Variants in MYRIP observed in about 807,000 individuals in gnomAD.
The protein encoded by MYRIP is rab effector MyRIP.
A neutral mutation model predicts 98.0 loss-of-function variants in MYRIP; 49 were observed. The ratio of observed to expected loss-of-function variants is 0.50; its 90% CI spans 0.40 to 0.63. The LOEUF (loss-of-function observed/expected upper bound fraction) is 0.63, where lower values mean the gene tolerates loss of function less well. Among genes scored for constraint, MYRIP ranks in the 30% least tolerant of loss-of-function variants. The pLI, the probability that MYRIP is intolerant of heterozygous loss-of-function variation, is 0.00. For missense variants in MYRIP, 1,004 were observed against 1,058.2 expected, an observed-to-expected ratio of 0.95 and a Z score of 0.71; for synonymous variants, 404 against 409.5, an observed-to-expected ratio of 0.99 and a Z score of 0.16.
At chr3:39,829,257 A>G (rs1283156558) in intron 1 of MYRIP, among the ~76,000 whole-genome samples, 1 of 152,062 alleles carries the variant, frequency 6.6e-6, no homozygotes, top group African/African-American at 2.4e-5. Flanking sequence ...CTGTAGAATT[A>G]TTGTGTTTCT....
chr3:39,994,052 T>C lies in MYRIP; in HGVS notation c.111-49998T>C, dbSNP rs145693206. ...AACTTATAAATGTAAAAAGAACTTTTAGAGGTGGAGCCAAGATGGCCAAAT... is the reference window on the plus strand; with the variant it reads ...AACTTATAAATGTAAAAAGAACTTTCAGAGGTGGAGCCAAGATGGCCAAAT... On this transcript the variant is annotated intron_variant, in intron 2 of 16. Coordinates refer to ENST00000302541, the MANE Select transcript of MYRIP (RefSeq NM_015460.4). Among the ~76,000 whole-genome samples the C allele has an allele frequency of 5.8e-3, 889 of 152,290 alleles. 8 individuals are homozygous for C. The highest frequency in any genetic ancestry group is 0.02 in the African/African-American group (822 of 41,574).
chr3:39,955,283 T>A (rs145836773), intron 2 of MYRIP, among the ~76,000 whole-genome samples: 3,040 of 152,174 alleles, frequency 0.02, 99 homozygotes, highest in African/African-American at 0.07. Flanking sequence ...GAGAGAAAGG[T>A]CAGGTTACCC....
chr3:39,880,463 T>C (rs1455090493), intron 1 of MYRIP, among the ~76,000 whole-genome samples: 1 of 152,264 alleles, frequency 6.6e-6, no homozygotes, highest in Non-Finnish European at 1.5e-5. Flanking sequence ...CTCAAATTTA[T>C]TCAGCCATTT....
chr3:39,957,896 C>G (rs146357129), intron 2 of MYRIP, among the ~76,000 whole-genome samples: 40,372 of 151,908 alleles, frequency 0.27, 5,845 homozygotes, highest in Middle Eastern at 0.36. Context: ...TAGACAAACA[C>G]AGAGCCAAAT....
At chr3:40,234,164 C>CT in intron 12 of MYRIP, 111 bp downstream of exon 12, 1 of 1,036,290 alleles carries the variant, frequency 9.6e-7, no homozygotes, top group Non-Finnish European at 1.3e-6. Context: ...ACACACACAC[C>CT]ACTACCACTA....
intron 1 of MYRIP, among the ~76,000 whole-genome samples, chr3:39,881,607 A>T (rs1943156351): frequency 6.6e-6 from 1 of 152,276 alleles, no homozygotes; most frequent in Non-Finnish European, 1.5e-5. Context: ...TTTTAGTGTG[A>T]CATTACACTG....
At chr3:39,834,426 G>A (rs993275824) in intron 1 of MYRIP, among the ~76,000 whole-genome samples, 17 of 152,062 alleles carry the variant, frequency 1.1e-4, no homozygotes, top group Non-Finnish European at 7.4e-5. Context: ...ACACTTTGTC[G>A]ATGTAACTAT....
At chr3:40,166,275 TC>T (rs1275458858) in intron 5 of MYRIP, among the ~76,000 whole-genome samples, 1 of 152,254 alleles carries the variant, frequency 6.6e-6, no homozygotes, top group East Asian at 1.9e-4. Context: ...ATAATCTTTA[TC>T]TGAGAAAGTA....
intron 2 of MYRIP, among the ~76,000 whole-genome samples, chr3:39,998,904 C>T (rs1015895411): frequency 6.6e-6 from 1 of 152,150 alleles, no homozygotes; most frequent in African/African-American, 2.4e-5. Context: ...CTTTGACATA[C>T]CTGACAAAAC....
At chr3:39,941,017 G>T (rs760437061) in intron 2 of MYRIP, among the ~76,000 whole-genome samples, 1 of 152,110 alleles carries the variant, frequency 6.6e-6, no homozygotes, top group Non-Finnish European at 1.5e-5. Context: ...GGAAAAAAGT[G>T]AATGAAAAAG....
At chr3:39,872,400 A>C (rs549415146) in intron 1 of MYRIP, among the ~76,000 whole-genome samples, 1 of 151,842 alleles carries the variant, frequency 6.6e-6, no homozygotes, top group Non-Finnish European at 1.5e-5. Flanking sequence ...GGTTAGTTAC[A>C]TATGTATACA....
chr3:39,979,655 C>CAAAAAAAAAAAAAAAAAAAA (rs56328162), intron 2 of MYRIP, among the ~76,000 whole-genome samples: 1 of 131,152 alleles, frequency 7.6e-6, no homozygotes, highest in Non-Finnish European at 1.6e-5. Context: ...CAAAACAAAA[C>CAAAAAAAAAAAAAAAAAAAA]AAAAAAAAAA....
intron 2 of MYRIP, among the ~76,000 whole-genome samples, chr3:39,966,632 C>A (rs943456971): frequency 2.0e-5 from 3 of 152,056 alleles, no homozygotes; most frequent in African/African-American, 7.2e-5. Flanking sequence ...CAGTTGGGGG[C>A]AGGGGGTGGG....
intron 3 of MYRIP, among the ~76,000 whole-genome samples, chr3:40,088,007 C>T (rs544606054): frequency 1.3e-5 from 2 of 152,230 alleles, no homozygotes; most frequent in Admixed American, 6.5e-5. Flanking sequence ...GACCCAGTCA[C>T]CAGGAAGGAG....
At chr3:40,095,582 G>A (rs761405798) in intron 3 of MYRIP, among the ~76,000 whole-genome samples, 2 of 152,044 alleles carry the variant, frequency 1.3e-5, no homozygotes, top group Admixed American at 6.6e-5. Flanking sequence ...TGCTCTCCAG[G>A]GAGCTCAGAG....
At chr3:39,926,747 A>G (rs1944428552) in intron 2 of MYRIP, among the ~76,000 whole-genome samples, 1 of 152,034 alleles carries the variant, frequency 6.6e-6, no homozygotes, top group African/African-American at 2.4e-5. Flanking sequence ...GCTTAATTGT[A>G]TAGTTCGAAA....
chr3:40,216,538 A>T (rs1370578334), intron 11 of MYRIP, among the ~76,000 whole-genome samples: 1 of 152,206 alleles, frequency 6.6e-6, no homozygotes. Context: ...ATTCCACAAC[A>T]TTAAGAGATT....
At chr3:40,243,322 G>A (rs904137295) in intron 12 of MYRIP, among the ~76,000 whole-genome samples, 1 of 150,456 alleles carries the variant, frequency 6.6e-6, no homozygotes, top group Non-Finnish European at 1.5e-5. Flanking sequence ...TAAAACAGAT[G>A]AGTGAATCAT....
At chr3:39,843,126 T>G (rs1171585353) in intron 1 of MYRIP, among the ~76,000 whole-genome samples, 2 of 152,232 alleles carry the variant, frequency 1.3e-5, no homozygotes, top group Admixed American at 1.3e-4. Context: ...GGCTTCTTTT[T>G]CTTATTACCT....
Sources: gnomAD v4.1 joint callset for allele counts (sites outside exome capture counted in the v4.1 genomes callset) on GRCh38, gnomAD v4.1.1 for gene constraint, MANE v1.5 for transcripts, NCBI Gene and HGNC (gene_info 2026-07-23, HGNC 2026-07-21) for gene names.